The following DLG2 variants were observed in gnomAD, a reference collection of about 807,000 sequenced individuals.
The protein encoded by DLG2 is discs large MAGUK scaffold protein 2, also known as disks large homolog 2.
In DLG2, 45 loss-of-function variants were observed where a neutral mutation model predicts 132.5. The observed-to-expected ratio is 0.34, with a 90% CI of 0.27 to 0.44. The LOEUF (loss-of-function observed/expected upper bound fraction) is 0.44. Ranked by LOEUF, DLG2 falls within the 20% of genes least tolerant of loss-of-function variation. The pLI, the probability that DLG2 is intolerant of heterozygous loss-of-function variation, is 1.00. For missense variants in DLG2, 1,045 were observed against 1,196.9 expected (o/e 0.87, Z 1.87); for synonymous variants, 424 against 419.6 (o/e 1.01, Z -0.13).
chr11:85,463,582 C>A (rs2092684426), intron 3 of DLG2, among the ~76,000 whole-genome samples: 1 of 152,042 alleles, frequency 6.6e-6, no homozygotes, highest in African/African-American at 2.4e-5. Context: ...AGTATGAGAC[C>A]AATCTGGGCT....
intron 18 of DLG2, among the ~76,000 whole-genome samples, chr11:83,707,304 T>C (rs939049604): frequency 3.3e-5 from 5 of 152,254 alleles, no homozygotes; most frequent in Non-Finnish European, 7.4e-5. Context: ...CTGACAAGAG[T>C]TCCTTGAAGG....
chr11:83,712,557 G>C (rs913625793), intron 18 of DLG2, among the ~76,000 whole-genome samples: 2 of 152,124 alleles, frequency 1.3e-5, no homozygotes, highest in African/African-American at 4.8e-5. Flanking sequence ...TTGAACCTGT[G>C]GGGCAGAGGT....
intron 3 of DLG2, among the ~76,000 whole-genome samples, chr11:85,547,691 TC>T (rs2076419681): frequency 1.3e-5 from 2 of 152,198 alleles, no homozygotes; most frequent in African/African-American, 2.4e-5. Flanking sequence ...TTCTTTTCAC[TC>T]TTTTTTCTCT....
chr11:84,585,097 T>C (rs1435539965), intron 6 of DLG2, among the ~76,000 whole-genome samples: 4 of 152,196 alleles, frequency 2.6e-5, no homozygotes, highest in Non-Finnish European at 5.9e-5. Context: ...TGCTATATTT[T>C]TTCTAAAATG....
chr11:85,606,565 T>C (rs1465034077), intron 2 of DLG2, among the ~76,000 whole-genome samples: 1 of 152,050 alleles, frequency 6.6e-6, no homozygotes, highest in Non-Finnish European at 1.5e-5. Context: ...AGGATGTGGG[T>C]GGGGCCAAAT....
intron 6 of DLG2, among the ~76,000 whole-genome samples, chr11:84,966,405 A>T (rs1275530042): frequency 1.3e-5 from 2 of 152,224 alleles, no homozygotes; most frequent in African/African-American, 4.8e-5. Flanking sequence ...TAGAACTCAT[A>T]GGTCCATGAT....
chr11:85,583,126 G>GTATATATATATA (rs1163054982), intron 3 of DLG2, among the ~76,000 whole-genome samples: 5 of 34,308 alleles, frequency 1.5e-4, no homozygotes, highest in Non-Finnish European at 2.9e-4. Flanking sequence ...GTGTGTGTGT[G>GTATATATATATA]TGTGTATATA....
intron 3 of DLG2, among the ~76,000 whole-genome samples, chr11:85,424,308 C>A (rs1302816819): frequency 2.0e-5 from 3 of 152,076 alleles, no homozygotes; most frequent in Non-Finnish European, 2.9e-5. Context: ...TTCGGGGGAT[C>A]TGTGGGTTCT....
At chr11:83,513,584 T>A (rs1192068470) in intron 21 of DLG2, among the ~76,000 whole-genome samples, 2 of 152,238 alleles carry the variant, frequency 1.3e-5, no homozygotes, top group African/African-American at 4.8e-5. Flanking sequence ...TTTAGTGGTT[T>A]ACACATGAAG....
intron 3 of DLG2, among the ~76,000 whole-genome samples, chr11:85,494,101 T>G (rs1046670019): frequency 2.6e-5 from 4 of 152,162 alleles, no homozygotes; most frequent in African/African-American, 9.7e-5. Context: ...ATCCCACTTG[T>G]GACGGCAGAG....
intron 18 of DLG2, among the ~76,000 whole-genome samples, chr11:83,710,322 CT>C (rs1592878284): frequency 1.3e-5 from 2 of 152,146 alleles, no homozygotes; most frequent in South Asian, 2.1e-4. Flanking sequence ...GCCACCATGC[CT>C]GATTAATTTT....
chr11:84,461,979 A>C (rs1183145533), intron 7 of DLG2, among the ~76,000 whole-genome samples: 1 of 150,978 alleles, frequency 6.6e-6, no homozygotes, highest in Non-Finnish European at 1.5e-5. Flanking sequence ...TGATAGGAAA[A>C]GACATCAGAA....
intron 9 of DLG2, among the ~76,000 whole-genome samples, chr11:84,111,312 C>T (rs569036174): frequency 1.3e-5 from 2 of 152,186 alleles, no homozygotes; most frequent in Non-Finnish European, 2.9e-5. Flanking sequence ...ACTGCTCTCT[C>T]ATGTTTTCTC....
chr11:84,669,259 T>C (rs1349266610), intron 6 of DLG2, among the ~76,000 whole-genome samples: 2 of 152,032 alleles, frequency 1.3e-5, no homozygotes, highest in South Asian at 2.1e-4. Context: ...TTGGTGTATT[T>C]GAGAAATGGC....
intron 18 of DLG2, among the ~76,000 whole-genome samples, chr11:83,742,200 C>G (rs1395132392): frequency 7.6e-6 from 1 of 132,002 alleles, no homozygotes; most frequent in Non-Finnish European, 1.6e-5. Flanking sequence ...GTAAATTTTA[C>G]CACACTTTTA....
intron 7 of DLG2, among the ~76,000 whole-genome samples, chr11:84,358,361 G>C (rs2098630134): frequency 7.2e-6 from 1 of 138,016 alleles, no homozygotes; most frequent in South Asian, 2.2e-4. Flanking sequence ...GCAAGTCCCA[G>C]TATTTTTTTT....
At chr11:84,169,145 C>T (rs987012285) in intron 8 of DLG2, among the ~76,000 whole-genome samples, 4 of 152,058 alleles carry the variant, frequency 2.6e-5, no homozygotes, top group African/African-American at 9.7e-5. Flanking sequence ...AGTTCTTCCT[C>T]GTATGGTTAT....
chr11:84,956,355 A>G (rs529628288), intron 6 of DLG2, among the ~76,000 whole-genome samples: 172 of 152,324 alleles, frequency 1.1e-3, no homozygotes, highest in African/African-American at 3.7e-3. Flanking sequence ...TAAACATTAC[A>G]TTGGTATTGT....
chr11:85,157,751 A>T (rs2077692619), intron 4 of DLG2, among the ~76,000 whole-genome samples: 1 of 152,162 alleles, frequency 6.6e-6, no homozygotes, highest in Non-Finnish European at 1.5e-5. Flanking sequence ...CCTTAAAGTG[A>T]GGGCACTGAT....
Sources: allele counts gnomAD v4.1 joint callset (sites outside exome capture counted in the v4.1 genomes callset), GRCh38; gene constraint gnomAD v4.1.1; transcripts MANE v1.5; gene names NCBI Gene and HGNC (gene_info 2026-07-23, HGNC 2026-07-21).